The following PYHIN1 variants were observed in gnomAD, a reference collection of about 807,000 sequenced individuals.
PYHIN1 encodes the protein pyrin and HIN domain-containing protein 1.
Under a neutral mutation model 43.7 loss-of-function variants are expected in PYHIN1, and 32 were observed. The observed-to-expected ratio is 0.73, with a 90% CI of 0.55 to 0.98. PYHIN1 has a LOEUF of 0.98. PYHIN1 is among the 50% of genes least tolerant of loss of function. PYHIN1 has a pLI of 0.00. For missense variants in PYHIN1, 588 were observed against 589.5 expected (o/e 1.00, Z 0.03); for synonymous variants, 205 against 203.1 (o/e 1.01, Z -0.08).
chr1:158,980,893 T>G (rs1394745608), downstream of PYHIN1, among the ~76,000 whole-genome samples: 2 of 152,062 alleles, frequency 1.3e-5, no homozygotes, highest in Non-Finnish European at 2.9e-5. Flanking sequence ...CCCTCCCTTT[T>G]GAAACCCTTA....
At chr1:158,944,821 G>GT in intron 6 of PYHIN1, 54 bp from the exon 7 acceptor site, 1 of 1,310,082 alleles carries the variant, frequency 7.6e-7, no homozygotes, top group Non-Finnish European at 1.0e-6. Flanking sequence ...ATTTAAAGAT[G>GT]TTTTGCTTTC....
intron 7 of PYHIN1, among the ~76,000 whole-genome samples, chr1:158,959,295 T>A (rs944537680): frequency 6.8e-6 from 1 of 147,510 alleles, no homozygotes; most frequent in Non-Finnish European, 1.5e-5. Flanking sequence ...AGCCACAGCC[T>A]CGACTAGCTG....
intron 5 of PYHIN1, among the ~76,000 whole-genome samples, chr1:158,942,727 A>G (rs1349959423): frequency 6.6e-6 from 1 of 152,216 alleles, no homozygotes; most frequent in African/African-American, 2.4e-5. Context: ...ACATAATACT[A>G]AACTTATTTC....
the PYHIN1 span, among the ~76,000 whole-genome samples, chr1:158,988,866 C>T: frequency 8.6e-4 from 131 of 152,208 alleles, no homozygotes; most frequent in Middle Eastern, 3.4e-3. Context: ...GAAGAGAATA[C>T]CAAGACACAC....
intron 7 of PYHIN1, among the ~76,000 whole-genome samples, chr1:158,958,177 C>T (rs1650077315): frequency 6.6e-6 from 1 of 151,412 alleles, no homozygotes; most frequent in Admixed American, 6.6e-5. Context: ...ACTAGTTCAA[C>T]CATTGTGGAA....
chr1:158,942,225 A>T lies in PYHIN1; in HGVS notation c.828A>T (p.Lys276Asn). 1 of 1,614,034 alleles carries T rather than the reference A, an allele frequency of 6.2e-7. No individual in the cohort carries two copies. Among genetic ancestry groups the T allele is most frequent in the East Asian group, 2.2e-5 (1 of 44,870 alleles). Residue 276 changes from lysine to asparagine, a missense_variant, in exon 5 of 9, where the codon AAA becomes AAT. Coordinates refer to ENST00000368140, the MANE Select transcript of PYHIN1 (RefSeq NM_152501.5). The stretch of plus-strand genomic sequence containing the variant: ...TCATCATTATATCAAATTATTCCAA[A>T]CGTAATAGTCTCCTAGAGGTGAATG... Reference protein sequence around the residue: ...KRIIIISNYSKRNSLLEVNEA... With the variant: ...KRIIIISNYSNRNSLLEVNEA...
intron 7 of PYHIN1, among the ~76,000 whole-genome samples, chr1:158,969,163 A>C (rs916854386): frequency 6.6e-6 from 1 of 152,026 alleles, no homozygotes; most frequent in African/African-American, 2.4e-5. Flanking sequence ...CAGAATGTAG[A>C]TGTTAAAATT....
the PYHIN1 span, among the ~76,000 whole-genome samples, chr1:158,983,453 G>A: frequency 4.6e-5 from 7 of 151,986 alleles, no homozygotes; most frequent in South Asian, 2.1e-4. Context: ...ACCAATTTGC[G>A]TATGTTGAAC....
intron 5 of PYHIN1, among the ~76,000 whole-genome samples, chr1:158,943,554 A>G (rs1383995501): frequency 6.6e-6 from 1 of 152,172 alleles, no homozygotes; most frequent in African/African-American, 2.4e-5. Context: ...AAATGGGAAG[A>G]TAACTCATTG....
intron 4 of PYHIN1, 167 bp downstream of exon 4, chr1:158,939,414 G>T: frequency 6.4e-7 from 1 of 1,560,092 alleles, no homozygotes; most frequent in Non-Finnish European, 8.7e-7. Flanking sequence ...CATATTTGAT[G>T]AACTTGACAT....
chr1:158,954,943 G>A (rs1223454971), intron 7 of PYHIN1, among the ~76,000 whole-genome samples: 1 of 150,452 alleles, frequency 6.6e-6, no homozygotes, highest in Non-Finnish European at 1.5e-5. Context: ...AAAGGCAGGG[G>A]TTGCAATCCT....
At chr1:158,960,566 ACTTACTT>A (rs1650262338) in intron 7 of PYHIN1, among the ~76,000 whole-genome samples, 1 of 152,232 alleles carries the variant, frequency 6.6e-6, no homozygotes, top group Admixed American at 6.5e-5. Flanking sequence ...GTATCCAACT[ACTTACTT>A]ATGGCTCACT....
downstream of PYHIN1, among the ~76,000 whole-genome samples, chr1:158,980,123 A>G (rs856137): frequency 0.92 from 139,653 of 152,200 alleles, 65,291 homozygotes; most frequent in East Asian, 1. Flanking sequence ...GCAGAGGAAC[A>G]TAAATTGTGA....
intron 7 of PYHIN1, among the ~76,000 whole-genome samples, chr1:158,968,847 G>C (rs561834812): frequency 6.6e-6 from 1 of 151,960 alleles, no homozygotes; most frequent in Non-Finnish European, 1.5e-5. Flanking sequence ...AACAATGAGA[G>C]AACACACGGA....
chr1:158,954,743 A>G (rs1649809718), intron 7 of PYHIN1, among the ~76,000 whole-genome samples: 1 of 151,164 alleles, frequency 6.6e-6, no homozygotes, highest in Admixed American at 6.6e-5. Context: ...TCAAATTCAT[A>G]CATAACAATA....
the PYHIN1 span, among the ~76,000 whole-genome samples, chr1:158,983,310 G>C: frequency 6.6e-6 from 1 of 152,018 alleles, no homozygotes; most frequent in Non-Finnish European, 1.5e-5. Context: ...TTTGAGGTAT[G>C]TTCCTTTGAT....
chr1:158,973,914 A>G (rs1571789148), intron 8 of PYHIN1, 143 bp downstream of exon 8: 1 of 986,208 alleles, frequency 1.0e-6, no homozygotes, highest in East Asian at 2.7e-5. Context: ...ATCAATATAT[A>G]ATTGGACATG....
chr1:158,939,358 G>A (rs1648764197), intron 4 of PYHIN1, 111 bp downstream of exon 4: 2 of 1,605,084 alleles, frequency 1.2e-6, no homozygotes, highest in African/African-American at 2.7e-5. Flanking sequence ...TAAATCAAAT[G>A]TATAGACTGA....
chr1:158,961,772 G>A (rs1161648800), intron 7 of PYHIN1, among the ~76,000 whole-genome samples: 1 of 152,148 alleles, frequency 6.6e-6, no homozygotes, highest in Admixed American at 6.5e-5. Context: ...CCTGGGCAGA[G>A]CCACCACTCA....
Sources: gnomAD v4.1 joint callset for allele counts (sites outside exome capture counted in the v4.1 genomes callset) on GRCh38, gnomAD v4.1.1 for gene constraint, MANE v1.5 for transcripts, NCBI Gene and HGNC (gene_info 2026-07-23, HGNC 2026-07-21) for gene names.